SHB: variants seen among roughly 807,000 people sequenced by gnomAD.
SHB encodes the protein SH2 domain-containing adapter protein B.
A neutral mutation model predicts 52.3 loss-of-function variants in SHB; 20 were observed. The observed-to-expected ratio is 0.38, with a 90% CI of 0.27 to 0.56. The LOEUF (loss-of-function observed/expected upper bound fraction) is 0.56, where lower values mean the gene tolerates loss of function less well. Ranked by LOEUF, SHB falls within the 20% of genes least tolerant of loss-of-function variation. SHB has a pLI of 0.71. For missense variants in SHB, 825 were observed against 723.3 expected, an observed-to-expected ratio of 1.14 and a Z score of -1.61; for synonymous variants, 397 against 316.5, an observed-to-expected ratio of 1.25 and a Z score of -2.70.
chr9:38,023,086 G>A (rs770224173), intron 1 of SHB, among the ~76,000 whole-genome samples: 5 of 152,228 alleles, frequency 3.3e-5, no homozygotes, highest in East Asian at 1.9e-4. Flanking sequence ...CTGCCATGGC[G>A]GAGGCAGGCA....
At chr9:38,016,636 G>C (rs932554573) in intron 1 of SHB, among the ~76,000 whole-genome samples, 2 of 152,194 alleles carry the variant, frequency 1.3e-5, no homozygotes, top group Admixed American at 1.3e-4. Context: ...ACCACGCCTT[G>C]GGTCATCAGA....
At chr9:38,050,010 C>T (rs952590637) in intron 1 of SHB, among the ~76,000 whole-genome samples, 7 of 152,170 alleles carry the variant, frequency 4.6e-5, no homozygotes, top group Non-Finnish European at 7.3e-5. Context: ...AGGTTGGTCT[C>T]GAACTCCTGA....
chr9:37,936,286 A>C (rs930009325), intron 5 of SHB, among the ~76,000 whole-genome samples: 1 of 152,184 alleles, frequency 6.6e-6, no homozygotes, highest in Non-Finnish European at 1.5e-5. Flanking sequence ...AGAAAACACA[A>C]ATCTAAAATA....
At chr9:37,923,382 G>A (rs539797425) in intron 5 of SHB, among the ~76,000 whole-genome samples, 2 of 152,304 alleles carry the variant, frequency 1.3e-5, no homozygotes, top group South Asian at 2.1e-4. Context: ...GGGCTGTGCC[G>A]AGGATTGGAA....
rs766123390 is a variant in SHB at position 38,068,275 on chromosome 9, A to G, written c.371T>C (p.Val124Ala). 87 of 1,468,186 alleles carry G rather than the reference A, an allele frequency of 5.9e-5. 1 individual carries two copies. Among genetic ancestry groups the G allele is most frequent in the Middle Eastern group, 2.4e-4 (1 of 4,202 alleles). 90.9% of individuals were successfully genotyped at this position (1,468,186 alleles called of 1,614,324 possible). The change falls in exon 1 of 6, where the codon GTC becomes GCC. Residue 124 changes from valine (V) to alanine (A), a missense_variant. By Grantham distance (64) the Val-to-Ala change is moderately conservative. Transcript: ENST00000377707. ...YCGGSGEPGG[V>A]QRAFSASSAS... ...GGACGAGGCCGAGAAGGCGCGCTGGACCCCGCCTGGCTCCCCGCTGCCGCC... is the reference window on the plus strand; with the variant it reads ...GGACGAGGCCGAGAAGGCGCGCTGGGCCCCGCCTGGCTCCCCGCTGCCGCC...
rs538350505 is a variant in SHB at position 38,017,148 on chromosome 9, C to T, written c.718-1017G>A. On this transcript the variant is annotated intron_variant, in intron 1 of 5. Transcript: ENST00000377707. ...CAGAACCCACCGAATCCACGCCCCT[C>T]CTGCTTAGCCCCGCTTCATCATAAA... 1.3e-3 allele frequency among the ~76,000 whole-genome samples: 201 copies of T among 152,374 alleles called. 1 individual carries two copies. The highest frequency in any genetic ancestry group is 4.6e-3 in the African/African-American group (192 of 41,592).
chr9:38,065,695 G>T (rs930324688), intron 1 of SHB, among the ~76,000 whole-genome samples: 4 of 152,182 alleles, frequency 2.6e-5, no homozygotes, highest in South Asian at 2.1e-4. Context: ...TAGGTGAAAA[G>T]TAACCCAGAG....
rs1199742826 is a variant in SHB at position 38,068,060 on chromosome 9, C to A, written c.586G>T (p.Ala196Ser). 3 of 1,491,996 alleles carry A rather than the reference C, an allele frequency of 2.0e-6. No individual in the cohort carries two copies. In the Admixed American group the frequency reaches 7.2e-5, roughly 36 times the overall value. 92.4% of individuals were successfully genotyped at this position (1,491,996 alleles called of 1,614,324 possible). A position where few individuals can be genotyped will look rare whatever the true frequency, so the allele number is the denominator to read the frequency against. The change falls in exon 1 of 6, where the codon GCC becomes TCC. Residue 196 changes from alanine to serine, a missense_variant. Physicochemically the swap from Ala to Ser is moderately conservative, Grantham distance 99. Transcript: ENST00000377707. ...CAGGCGCCCCCCAGGGGGTCCCCGG[C>A]CCCACCGCCCGCGGCGCTCTCCACT... ...IKVESAAGGG[A>S]GDPLGGACAG...
chr9:37,931,770 C>G (rs1370729511), intron 5 of SHB, among the ~76,000 whole-genome samples: 1 of 152,194 alleles, frequency 6.6e-6, no homozygotes, highest in Non-Finnish European at 1.5e-5. Context: ...AAATCACCAT[C>G]TTGTAAAGAC....
intron 5 of SHB, among the ~76,000 whole-genome samples, chr9:37,924,672 TAAC>T (rs984214465): frequency 1.8e-4 from 28 of 152,230 alleles, no homozygotes; most frequent in African/African-American, 6.7e-4. Flanking sequence ...AAAACAGATA[TAAC>T]AACACCCAGT....
chr9:38,014,878 C>T (rs1231181884), intron 2 of SHB, among the ~76,000 whole-genome samples: 10 of 152,254 alleles, frequency 6.6e-5, no homozygotes, highest in Non-Finnish European at 1.2e-4. Context: ...ACCCGGCACA[C>T]GCTCAGTGCT....
chr9:38,067,088 C>A (rs903539293), intron 1 of SHB, among the ~76,000 whole-genome samples: 2 of 152,152 alleles, frequency 1.3e-5, no homozygotes, highest in Non-Finnish European at 2.9e-5. Context: ...GTAATTAACT[C>A]GTCTGCTTCA....
At chr9:37,993,912 T>TA (rs1454463521) in intron 2 of SHB, among the ~76,000 whole-genome samples, 6 of 152,124 alleles carry the variant, frequency 3.9e-5, no homozygotes, top group Non-Finnish European at 8.8e-5. Context: ...ACAAAAAACT[T>TA]AGACTGTGAA....
At chr9:38,063,055 G>C (rs1479085045) in intron 1 of SHB, among the ~76,000 whole-genome samples, 1 of 152,244 alleles carries the variant, frequency 6.6e-6, no homozygotes, top group Non-Finnish European at 1.5e-5. Flanking sequence ...CCTGGGGAAT[G>C]TATTTCCCTT....
intron 3 of SHB, among the ~76,000 whole-genome samples, chr9:37,959,076 G>A (rs1832666855): frequency 6.6e-6 from 1 of 152,172 alleles, no homozygotes; most frequent in South Asian, 2.1e-4. Flanking sequence ...TCTGAGTGCT[G>A]GTGGAGGGTG....
rs572354024 is a variant in SHB at position 38,000,643 on chromosome 9, G to A, written c.838+15368C>T. 1.2e-3 allele frequency among the ~76,000 whole-genome samples: 183 copies of A among 152,348 alleles called. 1 individual carries two copies. The highest frequency in any genetic ancestry group is 4.2e-3 in the African/African-American group (174 of 41,582). ...CTGGGCTAACCTGTACAGTCCATTG[G>A]GAAATGCAGTGTGATTTGGCCTCCA... On this transcript the variant is annotated intron_variant, in intron 2 of 5. Transcript: ENST00000377707.
intron 1 of SHB, among the ~76,000 whole-genome samples, chr9:38,029,674 A>G (rs1465087191): frequency 6.6e-6 from 1 of 152,050 alleles, no homozygotes; most frequent in Non-Finnish European, 1.5e-5. Context: ...TATTTTTAGT[A>G]CAGACAGGGT....
intron 5 of SHB, among the ~76,000 whole-genome samples, chr9:37,926,839 C>G (rs1171379589): frequency 6.6e-6 from 1 of 152,216 alleles, no homozygotes; most frequent in Non-Finnish European, 1.5e-5. Context: ...AGAGATGTGG[C>G]TTCTCCACAG....
At position 37,918,079 on chromosome 9, in the gene SHB, T is replaced by C. The variant is rs1564078263; in HGVS notation, c.*1742A>G. ...CACCTCCAAACAGTCTCTAAAGACA[T>C]GAGCAGCGCTGATGTCTGAACCTGC... On this transcript the variant is annotated 3_prime_UTR_variant, in exon 6 of 6. Coordinates refer to ENST00000377707, the MANE Select transcript of SHB (RefSeq NM_003028.3). Among the ~76,000 whole-genome samples, 2 of 152,248 alleles carry C rather than the reference T, an allele frequency of 1.3e-5. No individual in the cohort carries two copies. The highest frequency in any genetic ancestry group is 2.9e-5 in the Non-Finnish European group (2 of 68,038).
Sources: gnomAD v4.1 joint callset for allele counts (sites outside exome capture counted in the v4.1 genomes callset) on GRCh38, gnomAD v4.1.1 for gene constraint, MANE v1.5 for transcripts, NCBI Gene and HGNC (gene_info 2026-07-23, HGNC 2026-07-21) for gene names.